SYNDIG1: variants seen among roughly 807,000 people sequenced by gnomAD.
SYNDIG1 encodes the protein synapse differentiation-inducing gene protein 1.
A neutral mutation model predicts 19.4 loss-of-function variants in SYNDIG1; 9 were observed. That is an observed-to-expected ratio of 0.46 (90% CI 0.28 to 0.81). The LOEUF is 0.81. Among genes scored for constraint, SYNDIG1 ranks in the 30% least tolerant of loss-of-function variants. The pLI is 0.12. For missense variants in SYNDIG1, 311 were observed against 343.3 expected, an observed-to-expected ratio of 0.91 and a Z score of 0.74; for synonymous variants, 141 against 145.9, an observed-to-expected ratio of 0.97 and a Z score of 0.24.
chr20:24,524,367 C>T (rs548020658), intron 1 of SYNDIG1, among the ~76,000 whole-genome samples: 1 of 152,262 alleles, frequency 6.6e-6, no homozygotes, highest in Non-Finnish European at 1.5e-5. Context: ...TCTTGTTGGC[C>T]GGCCAGGGTG....
intron 1 of SYNDIG1, among the ~76,000 whole-genome samples, chr20:24,522,043 G>A (rs2057016519): frequency 6.6e-6 from 1 of 151,838 alleles, no homozygotes; most frequent in Non-Finnish European, 1.5e-5. Flanking sequence ...GACTGTTATT[G>A]CCATACCCTG....
rs572662400 is a variant in SYNDIG1 at position 24,489,374 on chromosome 20, G to A, written c.-79+19621G>A. On this transcript the variant is annotated intron_variant, in intron 1 of 3. Coordinates refer to ENST00000376862, the MANE Select transcript of SYNDIG1 (RefSeq NM_024893.3). ...CACAAGATACATGCATGCACACACA[G>A]ACATGTGGACACAGATACAGACACA... Among the ~76,000 whole-genome samples the A allele has an allele frequency of 1.4e-4, 21 of 150,060 alleles. 1 individual carries two copies. In the South Asian group the frequency reaches 4.4e-3, roughly 32 times the overall value.
chr20:24,615,296 G>A (rs1033366025), intron 3 of SYNDIG1, among the ~76,000 whole-genome samples: 6 of 152,184 alleles, frequency 3.9e-5, no homozygotes, highest in Non-Finnish European at 8.8e-5. Context: ...GCAGGAAACC[G>A]GGATTCTGAG....
intron 1 of SYNDIG1, among the ~76,000 whole-genome samples, chr20:24,510,186 A>G (rs550831081): frequency 5.2e-4 from 79 of 152,338 alleles, no homozygotes; most frequent in Middle Eastern, 3.4e-3. Flanking sequence ...ATTTCTTTAT[A>G]GCAATGCTAG....
chr20:24,498,118 G>C (rs958897317), intron 1 of SYNDIG1, among the ~76,000 whole-genome samples: 1 of 152,200 alleles, frequency 6.6e-6, no homozygotes, highest in African/African-American at 2.4e-5. Context: ...CAAGTCAGCT[G>C]ACTTTACTGA....
intron 3 of SYNDIG1, among the ~76,000 whole-genome samples, chr20:24,596,162 T>A (rs2058591068): frequency 6.6e-6 from 1 of 152,192 alleles, no homozygotes; most frequent in Non-Finnish European, 1.5e-5. Context: ...TGTATCTTTG[T>A]TCTCATTAGT....
chr20:24,645,629 G>C (rs2059415895), intron 3 of SYNDIG1, among the ~76,000 whole-genome samples: 1 of 152,226 alleles, frequency 6.6e-6, no homozygotes, highest in Non-Finnish European at 1.5e-5. Context: ...CCACTGTCTG[G>C]ACCAGCAGAT....
intron 3 of SYNDIG1, among the ~76,000 whole-genome samples, chr20:24,606,821 C>T (rs1174615010): frequency 1.3e-5 from 2 of 152,256 alleles, no homozygotes; most frequent in South Asian, 2.1e-4. Context: ...CTCCTGTATT[C>T]GTCAGAATGA....
rs576865199 is a variant in SYNDIG1 at position 24,511,900 on chromosome 20, G to A, written c.-78-31120G>A. Among the ~76,000 whole-genome samples, 5 of 151,890 alleles carry A rather than the reference G, an allele frequency of 3.3e-5. No individual in the cohort carries two copies. In the East Asian group the frequency reaches 9.7e-4, roughly 30 times the overall value. On this transcript the variant is annotated intron_variant, in intron 1 of 3. Coordinates refer to ENST00000376862, the MANE Select transcript of SYNDIG1 (RefSeq NM_024893.3). ...AAAATTGGCTAGTGTCAGGGGGCAT[G>A]TACTCTCTGTTCAGTCTCTAACTCA...
At chr20:24,476,669 A>G (rs980098412) in intron 1 of SYNDIG1, among the ~76,000 whole-genome samples, 3 of 146,378 alleles carry the variant, frequency 2.0e-5, no homozygotes, top group Admixed American at 1.4e-4. Context: ...GACTCCAACT[A>G]AAAAAAAAAC....
At chr20:24,647,360 A>G (rs2147355646) in intron 3 of SYNDIG1, among the ~76,000 whole-genome samples, 1 of 152,318 alleles carries the variant, frequency 6.6e-6, no homozygotes, top group Non-Finnish European at 1.5e-5. Flanking sequence ...ATGCGGCAGA[A>G]TCGGGGGAAT....
At chr20:24,554,994 T>C (rs1481514435) in intron 2 of SYNDIG1, among the ~76,000 whole-genome samples, 1 of 152,208 alleles carries the variant, frequency 6.6e-6, no homozygotes, top group Non-Finnish European at 1.5e-5. Flanking sequence ...CTGTTATTGG[T>C]CTATTCAGAG....
chr20:24,625,123 C>T (rs1039529099), intron 3 of SYNDIG1, among the ~76,000 whole-genome samples: 5 of 152,000 alleles, frequency 3.3e-5, no homozygotes, highest in Non-Finnish European at 7.4e-5. Flanking sequence ...ATCTAAACTA[C>T]CTTAGGGCAC....
intron 1 of SYNDIG1, among the ~76,000 whole-genome samples, chr20:24,489,255 CACAT>C (rs1422261740): frequency 3.3e-5 from 5 of 152,014 alleles, no homozygotes; most frequent in Admixed American, 1.3e-4. Flanking sequence ...CACACAGACA[CACAT>C]GCATGCACAC....
Position 24,663,439 on chromosome 20 carries a change from G to A in SYNDIG1, c.619-1907G>A, listed in dbSNP as rs552589647. Among the ~76,000 whole-genome samples the A allele has an allele frequency of 2.0e-5, 3 of 152,300 alleles. No homozygotes were observed. In the South Asian group the frequency reaches 6.2e-4, roughly 32 times the overall value. ...GAACCTGCAGAGTTGGGCCAGAACT[G>A]AGGTCAAGAGTCAGCCCCGTGCCAC... is the stretch of plus-strand genomic sequence containing the variant. On this transcript the variant is annotated intron_variant, in intron 3 of 3. Transcript: ENST00000376862.
At chr20:24,591,883 T>G (rs1483422657) in intron 3 of SYNDIG1, among the ~76,000 whole-genome samples, 1 of 152,184 alleles carries the variant, frequency 6.6e-6, no homozygotes, top group Admixed American at 6.5e-5. Context: ...ACTGCCCAAG[T>G]GTTAGAGGAA....
intron 2 of SYNDIG1, among the ~76,000 whole-genome samples, chr20:24,555,731 G>C (rs574865043): frequency 6.6e-6 from 1 of 152,070 alleles, no homozygotes; most frequent in East Asian, 1.9e-4. Flanking sequence ...CCAAGTATGT[G>C]GTCAATTTTG....
intron 3 of SYNDIG1, among the ~76,000 whole-genome samples, chr20:24,626,831 C>T (rs1410009979): frequency 3.9e-5 from 6 of 152,222 alleles, no homozygotes; most frequent in Admixed American, 1.3e-4. Flanking sequence ...CCCGGCACCT[C>T]GGGAGGCCGA....
chr20:24,541,438 G>C (rs1017641236), intron 1 of SYNDIG1, among the ~76,000 whole-genome samples: 3 of 152,220 alleles, frequency 2.0e-5, no homozygotes, highest in African/African-American at 7.2e-5. Flanking sequence ...TATAGAAAGA[G>C]ATTAAGAACT....
Sources: gnomAD v4.1 joint callset for allele counts (sites outside exome capture counted in the v4.1 genomes callset) on GRCh38, gnomAD v4.1.1 for gene constraint, MANE v1.5 for transcripts, NCBI Gene and HGNC (gene_info 2026-07-23, HGNC 2026-07-21) for gene names.